CMYA5: variants seen among roughly 807,000 people sequenced by gnomAD.
The protein encoded by CMYA5 is cardiomyopathy associated 5.
Under a neutral mutation model 318.9 loss-of-function variants are expected in CMYA5, and 246 were observed. That is an observed-to-expected ratio of 0.77 (90% CI 0.70 to 0.86). CMYA5 has a LOEUF of 0.86. CMYA5 is among the 40% of genes least tolerant of loss of function. CMYA5 has a pLI of 0.00. For missense variants in CMYA5, 4,589 were observed against 4,678.2 expected, an observed-to-expected ratio of 0.98 and a Z score of 0.56; for synonymous variants, 1,641 against 1,729.5, an observed-to-expected ratio of 0.95 and a Z score of 1.27.
intron 12 of CMYA5, among the ~76,000 whole-genome samples, chr5:79,795,892 G>A (rs1387736899): frequency 6.6e-6 from 1 of 152,182 alleles, no homozygotes; most frequent in Non-Finnish European, 1.5e-5. Context: ...ATTTTTTGAA[G>A]AGACCAGCCA....
In CMYA5 at chr5:79,730,144, T is replaced by G. The variant is rs1659760479; in HGVS notation, c.1379T>G (p.Leu460Arg). 1 of 1,613,874 alleles carries G rather than the reference T, an allele frequency of 6.2e-7. No homozygotes were observed. Among genetic ancestry groups the G allele is most frequent in the Non-Finnish European group, 8.5e-7 (1 of 1,179,882 alleles). ...GACCCAGACCAAGAACAGCCGGACC[T>G]GACTTCAATAGAAAGGGCAGAACCA... ...GLDPDQEQPD[L>R]TSIERAEPVS... is the part of the protein sequence containing the mutation. The change falls in exon 2 of 13, where the codon CTG becomes CGG. Residue 460 changes from leucine (L) to arginine (R), a missense_variant. Leu to Arg is a moderately radical substitution (Grantham distance 102, BLOSUM62 -2). Transcript: ENST00000446378.
In CMYA5 at chr5:79,731,048, G is replaced by C; in HGVS notation, c.2283G>C (p.Lys761Asn). Residue 761 changes from lysine to asparagine, a missense_variant, in exon 2 of 13, where the codon AAG (lysine) becomes AAC (asparagine). By Grantham distance (94) the Lys-to-Asn change is moderately conservative. Around this residue, in one of 3 missense-constraint regions of CMYA5, gnomAD observed 2,132 missense variants for 2,131.3 expected, o/e 1.00. Coordinates refer to ENST00000446378, the MANE Select transcript of CMYA5 (RefSeq NM_153610.5). ...EPSLSPSTTE[K>N]TSECQSPLPS... Reference sequence around the variant, plus strand: ...CTCTCTCACCATCCACAACCGAAAAGACTTCTGAATGCCAGTCACCACTGC... The same window carrying C: ...CTCTCTCACCATCCACAACCGAAAACACTTCTGAATGCCAGTCACCACTGC... 6.2e-7 allele frequency: 1 copy of C among 1,613,944 alleles called. No individual in the cohort carries two copies.
chr5:79,772,414 A>G (rs1196812579), intron 9 of CMYA5, among the ~76,000 whole-genome samples: 1 of 152,196 alleles, frequency 6.6e-6, no homozygotes, highest in East Asian at 1.9e-4. Context: ...GTTGCTTTCC[A>G]TTTAGGTACT....
chr5:79,737,580 G>T lies in CMYA5; in HGVS notation c.8815G>T (p.Asp2939Tyr), dbSNP rs762907572. Residue 2939 changes from aspartate (D) to tyrosine (Y), a missense_variant, in exon 2 of 13, where the codon GAT (aspartate) becomes TAT (tyrosine). Asp to Tyr is a radical substitution (Grantham distance 160). Coordinates refer to ENST00000446378, the MANE Select transcript of CMYA5 (RefSeq NM_153610.5). ...VTSKPAGLSEDQKTAFSIISE... is the reference protein window; with the variant it reads ...VTSKPAGLSEYQKTAFSIISE... ...TAGTAAGCCAGCCGGACTTTCAGAA[G>T]ATCAGAAGACTGCCTTTAGTATCAT... 6.2e-7 allele frequency: 1 copy of T among 1,613,726 alleles called. No homozygotes were observed. The highest frequency in any genetic ancestry group is 8.5e-7 in the Non-Finnish European group (1 of 1,179,810).
chr5:79,731,150 A>G lies in CMYA5; in HGVS notation c.2385A>G (p.Ser795=). 1 of 1,614,046 alleles carries G rather than the reference A, an allele frequency of 6.2e-7. No individual in the cohort carries two copies. The highest frequency in any genetic ancestry group is 2.2e-5 in the East Asian group (1 of 44,872). The change falls in exon 2 of 13, where the codon TCA becomes TCG. Residue 795 remains serine (S), a synonymous_variant. Transcript: ENST00000446378. Reference sequence around the variant, plus strand: ...GAAGTGAACGTTTCACACCGGATTCAAAGTTGATCTCCAAATATGCAGCCC... The same window carrying G: ...GAAGTGAACGTTTCACACCGGATTCGAAGTTGATCTCCAAATATGCAGCCC... ...DLGSERFTPD[S]KLISKYAAPL...
chr5:79,773,797 AT>A (rs1828894303), intron 9 of CMYA5, among the ~76,000 whole-genome samples: 1 of 152,244 alleles, frequency 6.6e-6, no homozygotes, highest in South Asian at 2.1e-4. Context: ...AGCAAACAAG[AT>A]AGGGAGCAAG....
chr5:79,724,090 G>A (rs1827699890), intron 1 of CMYA5, among the ~76,000 whole-genome samples: 2 of 151,994 alleles, frequency 1.3e-5, no homozygotes, highest in Admixed American at 1.3e-4. Context: ...GGCCGAGGTG[G>A]GTGGACCACC....
At chr5:79,751,243 C>G (rs758320861) in intron 5 of CMYA5, among the ~76,000 whole-genome samples, 34 of 152,198 alleles carry the variant, frequency 2.2e-4, no homozygotes, top group African/African-American at 8.0e-4. Context: ...TATAGTCAAG[C>G]CACAAACGAC....
chr5:79,710,894 A>T (rs1048249813), intron 1 of CMYA5, among the ~76,000 whole-genome samples: 3 of 152,180 alleles, frequency 2.0e-5, no homozygotes, highest in Admixed American at 6.5e-5. Context: ...AGAGAATCTT[A>T]TGGGAAATTC....
At position 79,738,721 on chromosome 5, in the gene CMYA5, T is replaced by G. The variant is rs1828144547; in HGVS notation, c.9956T>G (p.Met3319Arg). The G allele has an allele frequency of 6.2e-7, 1 of 1,613,816 alleles. No individual in the cohort carries two copies. Among genetic ancestry groups the G allele is most frequent in the South Asian group, 1.1e-5 (1 of 91,090 alleles). ...DHVETVGNVA[M>R]QKKAPITEDV... ...GTGGAGACCGTTGGTAACGTAGCGA[T>G]GCAGAAGAAAGCTCCCATCACAGAG... The change falls in exon 2 of 13, where the codon ATG becomes AGG. Residue 3319 changes from methionine to arginine, a missense_variant. Met to Arg is a moderately conservative substitution (Grantham distance 91). Around this residue, in one of 3 missense-constraint regions of CMYA5, gnomAD observed 2,431 missense variants for 2,495.1 expected, o/e 0.97. Transcript: ENST00000446378.
rs537610411 is a variant in CMYA5 at position 79,694,044 on chromosome 5, T to G, written c.149+3988T>G. On this transcript the variant is annotated intron_variant, in intron 1 of 12. Coordinates refer to ENST00000446378, the MANE Select transcript of CMYA5 (RefSeq NM_153610.5). ...ACTGAGGGAGGGATATGTGTCTTAT[T>G]TGAGGAACGCAAGTTGGTCAGGATG... Among the ~76,000 whole-genome samples the G allele has an allele frequency of 2.5e-4, 38 of 152,232 alleles. 1 individual carries two copies. The South Asian group carries it at 7.7e-3, about 31-fold the overall frequency.
intron 9 of CMYA5, among the ~76,000 whole-genome samples, chr5:79,773,310 T>C (rs906526548): frequency 4.6e-5 from 7 of 152,192 alleles, no homozygotes; most frequent in Non-Finnish European, 8.8e-5. Context: ...ATCTCTTATT[T>C]AAAATGAGGA....
chr5:79,754,377 G>A (rs1054532463), intron 6 of CMYA5, among the ~76,000 whole-genome samples: 1 of 152,204 alleles, frequency 6.6e-6, no homozygotes, highest in Non-Finnish European at 1.5e-5. Context: ...TGTGGAAACC[G>A]TTAAGCATAT....
chr5:79,773,888 G>A (rs897912920), intron 9 of CMYA5, among the ~76,000 whole-genome samples: 26 of 152,184 alleles, frequency 1.7e-4, no homozygotes, highest in Non-Finnish European at 3.5e-4. Context: ...TATGGTGTAG[G>A]AAGACAAGTT....
chr5:79,739,303 G>T lies in CMYA5; in HGVS notation c.10538G>T (p.Cys3513Phe). The T allele has an allele frequency of 6.2e-7, 1 of 1,601,406 alleles. No individual in the cohort carries two copies. Among genetic ancestry groups the T allele is most frequent in the Non-Finnish European group, 8.5e-7 (1 of 1,173,966 alleles). Reference protein sequence around the residue: ...ELKKSQIDTYCYTCKCPISAT... With the variant: ...ELKKSQIDTYFYTCKCPISAT... ...AAAAAGTCCCAGATTGACACATACT[G>T]TTACACCTGCAAATGTCCAATTTCT... Residue 3513 changes from cysteine (C) to phenylalanine (F), a missense_variant, in exon 2 of 13, where the codon TGT becomes TTT. By Grantham distance (205) the Cys-to-Phe change is radical. Transcript: ENST00000446378.
Position 79,710,263 on chromosome 5 carries a change from G to A in CMYA5, c.150-18652G>A, listed in dbSNP as rs111980311. On this transcript the variant is annotated intron_variant, in intron 1 of 12. Coordinates refer to ENST00000446378, the MANE Select transcript of CMYA5 (RefSeq NM_153610.5). ...ACTTTTTATAAAATATGTTATTGAT[G>A]TTGACATGTAGTAGGTTATTATTAC... Among the ~76,000 whole-genome samples the A allele has an allele frequency of 4.3e-4, 65 of 152,228 alleles. 1 individual carries two copies. The highest frequency in any genetic ancestry group is 1.5e-3 in the African/African-American group (61 of 41,566).
rs1240498168 is a variant in CMYA5, at chr5:79,739,340, G to A, written c.10575G>A (p.Lys3525=). The change falls in exon 2 of 13, where the codon AAG becomes AAA. Residue 3525 remains lysine (K), a synonymous_variant. Coordinates refer to ENST00000446378, the MANE Select transcript of CMYA5 (RefSeq NM_153610.5). The stretch of plus-strand genomic sequence containing the variant: ...AATGTCCAATTTCTGCCACTGACAA[G>A]GTGTTTGGCACCCACAAAGACCATG... The part of the protein sequence containing the change: ...TCKCPISATD[K]VFGTHKDHEV... 1.3e-6 allele frequency: 2 copies of A among 1,573,140 alleles called. No individual in the cohort carries two copies.
At chr5:79,779,151 A>G (rs1829006534) in intron 9 of CMYA5, among the ~76,000 whole-genome samples, 1 of 28,992 alleles carries the variant, frequency 3.4e-5, no homozygotes, top group Admixed American at 4.7e-4. Context: ...CCTATGAGTG[A>G]GAATATGCGG....
Position 79,729,478 on chromosome 5 carries a change from A to G in CMYA5, c.713A>G (p.Glu238Gly), listed in dbSNP as rs1488020877. The change falls in exon 2 of 13, where the codon GAA becomes GGA. Residue 238 changes from glutamate (E) to glycine (G), a missense_variant. Around this residue, in one of 3 missense-constraint regions of CMYA5, gnomAD observed 2,132 missense variants for 2,131.3 expected, o/e 1.00. Transcript: ENST00000446378. ...AAGATGTTTAATTCGGTTAAAGAAG[A>G]ATTAATTCCTCTACAATTTTATGGA... ...KIKMFNSVKEELIPLQFYGTL... is the reference protein window; with the variant it reads ...KIKMFNSVKEGLIPLQFYGTL... 1 of 1,610,506 alleles carries G rather than the reference A, an allele frequency of 6.2e-7. No individual in the cohort carries two copies. The highest frequency in any genetic ancestry group is 2.2e-5 in the East Asian group (1 of 44,858).
Sources: gnomAD v4.1 joint callset for allele counts (sites outside exome capture counted in the v4.1 genomes callset) on GRCh38, gnomAD v4.1.1 for gene constraint, gnomAD v4.1.1 regional missense constraint, MANE v1.5 for transcripts, NCBI Gene and HGNC (gene_info 2026-07-23, HGNC 2026-07-21) for gene names.